Variants in ITPR2 observed in about 807,000 individuals in gnomAD.
ITPR2 encodes inositol 1,4,5-trisphosphate-gated calcium channel ITPR2.
Under a neutral mutation model 317.1 loss-of-function variants are expected in ITPR2, and 207 were observed. The ratio of observed to expected loss-of-function variants is 0.65; its 90% confidence interval spans 0.58 to 0.73. The LOEUF is 0.73. Among genes scored for constraint, ITPR2 ranks in the 30% least tolerant of loss-of-function variants. The pLI, the probability that ITPR2 is intolerant of heterozygous loss-of-function variation, is 0.00. For missense variants in ITPR2, 2,613 were observed against 3,284.0 expected, an observed-to-expected ratio of 0.80 and a Z score of 4.99; for synonymous variants, 1,156 against 1,149.1, an observed-to-expected ratio of 1.01 and a Z score of -0.12.
At chr12:26,561,318 A>C (rs1331672934) in intron 35 of ITPR2, among the ~76,000 whole-genome samples, 2 of 152,236 alleles carry the variant, frequency 1.3e-5, no homozygotes, top group East Asian at 3.8e-4. Flanking sequence ...GACATTCTGC[A>C]ACAGCAGCCC....
chr12:26,389,177 G>A (rs1417984070), intron 54 of ITPR2, among the ~76,000 whole-genome samples: 1 of 152,024 alleles, frequency 6.6e-6, no homozygotes, highest in Non-Finnish European at 1.5e-5. Flanking sequence ...CAACACAGCA[G>A]CCAGAGCAAT....
chr12:26,395,169 G>A (rs939979634), intron 54 of ITPR2, among the ~76,000 whole-genome samples: 2 of 152,128 alleles, frequency 1.3e-5, no homozygotes, highest in Non-Finnish European at 2.9e-5. Flanking sequence ...GGAGGACAGA[G>A]AGGAGACAAG....
At chr12:26,362,046 T>C (rs1938846656) in intron 55 of ITPR2, among the ~76,000 whole-genome samples, 1 of 152,206 alleles carries the variant, frequency 6.6e-6, no homozygotes, top group Admixed American at 6.5e-5. Context: ...ATAAATACAC[T>C]TATGATGACT....
chr12:26,597,603 T>C (rs1156314327), intron 30 of ITPR2, among the ~76,000 whole-genome samples: 10 of 152,048 alleles, frequency 6.6e-5, no homozygotes, highest in Admixed American at 6.6e-4. Flanking sequence ...CAAAATTCCA[T>C]GTGTCATAAG....
intron 2 of ITPR2, among the ~76,000 whole-genome samples, chr12:26,774,571 T>C (rs1314716703): frequency 6.6e-6 from 1 of 152,228 alleles, no homozygotes. Flanking sequence ...CTGTGTTTGA[T>C]CTTGGTGACT....
chr12:26,454,001 T>G (rs1416839812), intron 45 of ITPR2, among the ~76,000 whole-genome samples: 1 of 152,078 alleles, frequency 6.6e-6, no homozygotes, highest in Non-Finnish European at 1.5e-5. Context: ...ATTTTTTGGA[T>G]GGATAGATGG....
At chr12:26,472,340 A>C (rs949790584) in intron 45 of ITPR2, among the ~76,000 whole-genome samples, 3 of 152,174 alleles carry the variant, frequency 2.0e-5, no homozygotes, top group Non-Finnish European at 4.4e-5. Flanking sequence ...TAAAGTATTC[A>C]GCAATTCAGA....
intron 55 of ITPR2, among the ~76,000 whole-genome samples, chr12:26,367,289 T>C (rs1241150112): frequency 6.6e-6 from 1 of 152,232 alleles, no homozygotes; most frequent in Non-Finnish European, 1.5e-5. Context: ...TTTAACTATA[T>C]TTCAACAAGC....
intron 26 of ITPR2, among the ~76,000 whole-genome samples, chr12:26,608,713 A>G (rs1029463178): frequency 6.6e-6 from 1 of 151,974 alleles, no homozygotes; most frequent in Non-Finnish European, 1.5e-5. Flanking sequence ...AAGTGTGTGA[A>G]GTGGCAGCCT....
intron 37 of ITPR2, among the ~76,000 whole-genome samples, chr12:26,548,436 C>T (rs1316283125): frequency 1.3e-5 from 2 of 151,950 alleles, no homozygotes; most frequent in Non-Finnish European, 2.9e-5. Context: ...TTCTGAAGGG[C>T]TCTAGTGATC....
intron 15 of ITPR2, among the ~76,000 whole-genome samples, chr12:26,660,561 T>C (rs1947474438): frequency 6.6e-6 from 1 of 152,242 alleles, no homozygotes. Flanking sequence ...TACTGGAATG[T>C]ACCTATTCCT....
intron 37 of ITPR2, among the ~76,000 whole-genome samples, chr12:26,548,706 T>C (rs951855937): frequency 1.3e-5 from 2 of 152,064 alleles, no homozygotes; most frequent in Admixed American, 6.6e-5. Context: ...CCCTTGGAGT[T>C]AGGAAAACAG....
rs769335766 is a variant in ITPR2, at chr12:26,411,312, C to G, written c.7399+8G>C. Reference sequence around the variant, plus strand: ...AGTTCATACTGACCCAGAGTCCTTTCTACAAACCTGTATTTGAAGCTGGAA... The same window carrying G: ...AGTTCATACTGACCCAGAGTCCTTTGTACAAACCTGTATTTGAAGCTGGAA... On this transcript the variant is annotated splice_region_variant and intron_variant, in intron 52 of 56. Coordinates refer to ENST00000381340, the MANE Select transcript of ITPR2 (RefSeq NM_002223.4). The G allele has an allele frequency of 1.7e-5, 27 of 1,603,156 alleles. No homozygotes were observed. The African/African-American group carries it at 2.9e-4, about 17-fold the overall frequency.
At chr12:26,621,009 G>C (rs1946479654) in intron 26 of ITPR2, 114 bp downstream of exon 26, 1 of 962,696 alleles carries the variant, frequency 1.0e-6, no homozygotes, top group African/African-American at 1.7e-5. Flanking sequence ...TTTGTGCTCT[G>C]TTGCTCAGAA....
intron 13 of ITPR2, among the ~76,000 whole-genome samples, chr12:26,680,626 A>G (rs909716769): frequency 6.6e-6 from 1 of 152,226 alleles, no homozygotes; most frequent in Non-Finnish European, 1.5e-5. Flanking sequence ...GATTTATCAG[A>G]GAATGTTGTG....
At position 26,772,514 on chromosome 12, in the gene ITPR2, A is replaced by ATTAT. The variant is rs1276874747; in HGVS notation, c.163+17642_163+17643insATAA. Among the ~76,000 whole-genome samples, 4 of 107,100 alleles carry ATTAT rather than the reference A, an allele frequency of 3.7e-5. No individual in the cohort carries two copies. In the East Asian group the frequency reaches 7.0e-4, roughly 19 times the overall value. The allele number at this position is 107,100 out of a possible 152,430, so 70.3% of individuals were successfully genotyped here. A position where few individuals can be genotyped will look rare whatever the true frequency, so the allele number is the denominator to read the frequency against. On this transcript the variant is annotated intron_variant, in intron 2 of 56. Coordinates refer to ENST00000381340, the MANE Select transcript of ITPR2 (RefSeq NM_002223.4). ...TACATATAATACATGTATTATATATAATACATTATTATATATAATACATGT... is the reference window on the plus strand; with the variant it reads ...TACATATAATACATGTATTATATATATTATATACATTATTATATATAATACATGT...
intron 36 of ITPR2, among the ~76,000 whole-genome samples, chr12:26,555,709 G>C (rs776898299): frequency 6.6e-6 from 1 of 151,542 alleles, no homozygotes; most frequent in Non-Finnish European, 1.5e-5. Context: ...GGCCATGTGC[G>C]GGGTCTGAGT....
intron 2 of ITPR2, among the ~76,000 whole-genome samples, chr12:26,781,142 A>G (rs999060822): frequency 6.6e-6 from 1 of 152,220 alleles, no homozygotes; most frequent in Non-Finnish European, 1.5e-5. Context: ...CAGGACTACA[A>G]ATGGCCCAGA....
At chr12:26,607,949 CTACTAAAAAAA>C (rs1423059126) in intron 26 of ITPR2, among the ~76,000 whole-genome samples, 1 of 151,918 alleles carries the variant, frequency 6.6e-6, no homozygotes, top group Non-Finnish European at 1.5e-5. Context: ...CCGGGCGTTT[CTACTAAAAAAA>C]TACAAAAAAA....
Sources: gnomAD v4.1 joint callset for allele counts (sites outside exome capture counted in the v4.1 genomes callset) on GRCh38, gnomAD v4.1.1 for gene constraint, MANE v1.5 for transcripts, NCBI Gene and HGNC (gene_info 2026-07-23, HGNC 2026-07-21) for gene names.